Variants in ESR1 observed in about 807,000 individuals in gnomAD.
ESR1 encodes the protein estrogen receptor.
Under a neutral mutation model 52.7 loss-of-function variants are expected in ESR1, and 12 were observed. The ratio of observed to expected loss-of-function variants is 0.23; its 90% CI spans 0.15 to 0.37. The LOEUF is 0.37. Among genes scored for constraint, ESR1 ranks in the 10% least tolerant of loss-of-function variants. The pLI, the probability that ESR1 is intolerant of heterozygous loss-of-function variation, is 1.00. For missense variants in ESR1, 584 were observed against 779.7 expected, an observed-to-expected ratio of 0.75 and a Z score of 2.99; for synonymous variants, 305 against 316.8, an observed-to-expected ratio of 0.96 and a Z score of 0.39.
chr6:151,818,700 T>C (rs1780057486), intron 1 of ESR1, among the ~76,000 whole-genome samples: 1 of 152,144 alleles, frequency 6.6e-6, no homozygotes, highest in African/African-American at 2.4e-5. Context: ...AGTTTTCTCT[T>C]ATTGCTGTTA....
chr6:152,030,714 C>T (rs1411505494), intron 5 of ESR1, among the ~76,000 whole-genome samples: 3 of 152,170 alleles, frequency 2.0e-5, no homozygotes, highest in East Asian at 3.8e-4. Flanking sequence ...CCACTGTCAA[C>T]ATTAGACAGA....
chr6:151,939,886 C>T (rs1220957521), intron 3 of ESR1, among the ~76,000 whole-genome samples: 2 of 152,008 alleles, frequency 1.3e-5, no homozygotes, highest in African/African-American at 4.8e-5. Context: ...AACAAAATCT[C>T]TGTTTTTTGT....
chr6:152,079,221 C>T (rs1271869672), intron 6 of ESR1, among the ~76,000 whole-genome samples: 1 of 152,194 alleles, frequency 6.6e-6, no homozygotes, highest in Non-Finnish European at 1.5e-5. Flanking sequence ...CTGGGAGACA[C>T]CTCCCAGTAG....
chr6:151,663,968 C>T (rs1777730986), intron 1 of ESR1, among the ~76,000 whole-genome samples: 1 of 152,162 alleles, frequency 6.6e-6, no homozygotes, highest in Non-Finnish European at 1.5e-5. Context: ...TTGATTCCCT[C>T]TGCCCCGGAC....
chr6:152,056,095 C>T (rs182048373), intron 5 of ESR1, among the ~76,000 whole-genome samples: 1 of 152,106 alleles, frequency 6.6e-6, no homozygotes, highest in Non-Finnish European at 1.5e-5. Flanking sequence ...GTCTAAACAA[C>T]TTTCATTTTA....
At chr6:151,804,660 T>C (rs1777598348), upstream of ESR1, 1 of 152,222 alleles carries the variant, frequency 6.6e-6, no homozygotes, top group Admixed American at 6.5e-5. Flanking sequence ...TATTTCTTTT[T>C]TGTACTGGTC....
intron 2 of ESR1, among the ~76,000 whole-genome samples, chr6:151,782,748 A>AATGTGTGAAT (rs1241129154): frequency 5.3e-5 from 8 of 152,202 alleles, no homozygotes; most frequent in African/African-American, 1.9e-4. Context: ...ACATGAAGTG[A>AATGTGTGAAT]ATGTGTGAAT....
rs998012317 is a variant in ESR1, at chr6:152,100,081, T to G, written c.*1115T>G. 4 of 398,782 alleles carry G rather than the reference T, an allele frequency of 1.0e-5. No individual in the cohort carries two copies. The South Asian group carries it at 5.1e-4, about 51-fold the overall frequency. 24.7% of individuals were successfully genotyped at this position (398,782 alleles called of 1,614,324 possible). ...AGTTCTGAGGCACAGCCAGACTTGC[T>G]CAGGGTGGCCCTGCCACAGGCTGCA... On this transcript the variant is annotated 3_prime_UTR_variant, in exon 8 of 8. Transcript: ENST00000206249.
intron 1 of ESR1, among the ~76,000 whole-genome samples, chr6:151,664,693 C>G (rs1270992767): frequency 2.0e-5 from 3 of 152,198 alleles, no homozygotes; most frequent in African/African-American, 7.2e-5. Flanking sequence ...GTTTTGAAAA[C>G]AGTAATCTAA....
At chr6:151,855,759 G>GA (rs983694205) in intron 2 of ESR1, among the ~76,000 whole-genome samples, 1 of 152,108 alleles carries the variant, frequency 6.6e-6, no homozygotes, top group Non-Finnish European at 1.5e-5. Flanking sequence ...GGGTATTTCA[G>GA]AAAAAAATGG....
intron 4 of ESR1, among the ~76,000 whole-genome samples, chr6:151,972,743 A>T (rs1257722818): frequency 6.6e-6 from 1 of 152,100 alleles, no homozygotes; most frequent in East Asian, 1.9e-4. Flanking sequence ...AGAAGTATTG[A>T]CTCACACGAT....
chr6:151,790,583 CTTT>C (rs536260263), intron 2 of ESR1, among the ~76,000 whole-genome samples: 2 of 143,794 alleles, frequency 1.4e-5, no homozygotes, highest in Non-Finnish European at 1.5e-5. Context: ...CTTCTTGCTG[CTTT>C]TTTTTTTTTT....
chr6:152,117,667 C>T (rs773116373), intron 6 of ESR1, among the ~76,000 whole-genome samples: 14 of 152,248 alleles, frequency 9.2e-5, no homozygotes, highest in Non-Finnish European at 1.9e-4. Flanking sequence ...CCCTGCTTCT[C>T]ATTAATCATT....
At chr6:152,003,779 AC>A (rs768820941) in intron 4 of ESR1, among the ~76,000 whole-genome samples, 7 of 146,526 alleles carry the variant, frequency 4.8e-5, no homozygotes, top group Non-Finnish European at 1.0e-4. Context: ...TCAACTTCCT[AC>A]AAAAAGTGAG....
At chr6:151,964,082 A>G (rs1375310185) in intron 4 of ESR1, among the ~76,000 whole-genome samples, 1 of 152,184 alleles carries the variant, frequency 6.6e-6, no homozygotes, top group Non-Finnish European at 1.5e-5. Flanking sequence ...GCTTTATAAT[A>G]TATCTTGAAA....
chr6:151,858,581 G>GTTT (rs11354030), intron 2 of ESR1, among the ~76,000 whole-genome samples: 2 of 134,050 alleles, frequency 1.5e-5, no homozygotes, highest in Non-Finnish European at 3.3e-5. Context: ...ATCCGTTCCT[G>GTTT]TTTTTTTTTT....
intron 5 of ESR1, among the ~76,000 whole-genome samples, chr6:152,016,037 T>C (rs2043143526): frequency 6.6e-6 from 1 of 152,166 alleles, no homozygotes; most frequent in Admixed American, 6.5e-5. Context: ...GATAATTGAA[T>C]CATGTGGGTT....
chr6:152,097,205 A>G (rs865782265), intron 7 of ESR1, among the ~76,000 whole-genome samples: 9 of 151,954 alleles, frequency 5.9e-5, no homozygotes, highest in African/African-American at 2.2e-4. Context: ...TGTAATAATA[A>G]TAATATTTTG....
Position 151,975,856 on chromosome 6 carries a change from T to C in ESR1, c.1096+31348T>C, listed in dbSNP as rs376182811. ...CAATCTGTCATTATAGTCTTATCTA[T>C]AAACCTAAGGTTTAGAGAAACGCTG... On this transcript the variant is annotated intron_variant, in intron 4 of 7. Transcript: ENST00000206249. Among the ~76,000 whole-genome samples the C allele has an allele frequency of 4.6e-5, 7 of 152,314 alleles. No homozygotes were observed. The East Asian group carries it at 1.4e-3, about 29-fold the overall frequency.
Sources: gnomAD v4.1 joint callset for allele counts (sites outside exome capture counted in the v4.1 genomes callset) on GRCh38, gnomAD v4.1.1 for gene constraint, MANE v1.5 for transcripts, NCBI Gene and HGNC (gene_info 2026-07-23, HGNC 2026-07-21) for gene names.